The following SCMH1 variants were observed in gnomAD, a reference collection of about 807,000 sequenced individuals.
SCMH1 encodes the protein polycomb protein SCMH1.
A neutral mutation model predicts 70.8 loss-of-function variants in SCMH1; 37 were observed. That is an observed-to-expected ratio of 0.52 (90% confidence interval 0.40 to 0.69). SCMH1 has a LOEUF of 0.69. SCMH1 is among the 30% of genes least tolerant of loss of function. The pLI, the probability that SCMH1 is intolerant of heterozygous loss-of-function variation, is 0.00. For synonymous variants in SCMH1, 292 were observed against 307.4 expected (o/e 0.95, Z 0.52); for missense variants, 607 against 827.3 (o/e 0.73, Z 3.27).
chr1:41,046,289 C>G (rs1377951163), intron 12 of SCMH1, 118 bp downstream of exon 12: 2 of 754,466 alleles, frequency 2.7e-6, no homozygotes, highest in Non-Finnish European at 4.3e-6. Flanking sequence ...GACAGAAAAG[C>G]AGACCTCTAG....
chr1:41,109,317 G>A (rs1668702681), intron 8 of SCMH1, among the ~76,000 whole-genome samples: 1 of 151,944 alleles, frequency 6.6e-6, no homozygotes, highest in African/African-American at 2.4e-5. Context: ...TTTGCCATGA[G>A]CAGGAAACAT....
At chr1:41,110,050 C>T (rs1049419983) in intron 8 of SCMH1, among the ~76,000 whole-genome samples, 2 of 152,282 alleles carry the variant, frequency 1.3e-5, no homozygotes, top group South Asian at 4.1e-4. Flanking sequence ...CTTCTTGCTG[C>T]TTCCACAGAG....
intron 1 of SCMH1, among the ~76,000 whole-genome samples, chr1:41,213,004 G>C (rs1657362108): frequency 6.6e-6 from 1 of 152,120 alleles, no homozygotes; most frequent in African/African-American, 2.4e-5. Flanking sequence ...TGGATGATCT[G>C]TATGCCAGTA....
At chr1:41,049,661 G>A (rs1378949417) in intron 10 of SCMH1, among the ~76,000 whole-genome samples, 8 of 151,754 alleles carry the variant, frequency 5.3e-5, no homozygotes, top group Admixed American at 3.9e-4. Context: ...CAGCTACTCG[G>A]GAGGCTGAGG....
intron 1 of SCMH1, among the ~76,000 whole-genome samples, chr1:41,203,281 T>C (rs925333314): frequency 1.3e-5 from 2 of 152,142 alleles, no homozygotes; most frequent in Non-Finnish European, 2.9e-5. Flanking sequence ...AAAATTCACA[T>C]ATCCAAATTG....
chr1:41,072,970 G>A (rs1314418882), intron 9 of SCMH1, among the ~76,000 whole-genome samples: 8 of 152,178 alleles, frequency 5.3e-5, no homozygotes, highest in Non-Finnish European at 8.8e-5. Context: ...AGAATTAAGA[G>A]TATCAAATGC....
At chr1:41,135,672 T>C (rs1444680097) in intron 6 of SCMH1, among the ~76,000 whole-genome samples, 3 of 152,212 alleles carry the variant, frequency 2.0e-5, no homozygotes, top group Non-Finnish European at 4.4e-5. Flanking sequence ...GCCTTTTAAG[T>C]TACAATTAAA....
intron 2 of SCMH1, among the ~76,000 whole-genome samples, chr1:41,164,380 G>T (rs542832210): frequency 6.6e-5 from 10 of 151,164 alleles, no homozygotes; most frequent in Non-Finnish European, 1.5e-4. Context: ...AAAAAAATTC[G>T]TATCTTTCTC....
At chr1:41,183,528 T>C (rs1649380454) in intron 2 of SCMH1, among the ~76,000 whole-genome samples, 1 of 152,188 alleles carries the variant, frequency 6.6e-6, no homozygotes, top group Non-Finnish European at 1.5e-5. Flanking sequence ...TGTAACAGCT[T>C]TCTGGTGACA....
At chr1:41,028,467 C>T (rs1644043603) in intron 14 of SCMH1, 117 bp downstream of exon 15, 18 of 1,503,708 alleles carry the variant, frequency 1.2e-5, no homozygotes, top group Admixed American at 1.7e-5. Flanking sequence ...TGAAGCCTAC[C>T]TGTTCTCCTC....
At chr1:41,059,043 G>A (rs1371256249) in intron 10 of SCMH1, among the ~76,000 whole-genome samples, 1 of 152,346 alleles carries the variant, frequency 6.6e-6, no homozygotes, top group East Asian at 1.9e-4. Context: ...CTTCATGGAT[G>A]CCTGAGGCTT....
chr1:41,075,148 G>C lies in SCMH1; in HGVS notation c.978+71C>G. The C allele has an allele frequency of 4.1e-6, 6 of 1,477,848 alleles. No individual in the cohort carries two copies. The South Asian group carries it at 6.9e-5, about 17-fold the overall frequency. The allele number at this position is 1,477,848 out of a possible 1,614,324, so 91.5% of individuals were successfully genotyped here. A position where few individuals can be genotyped will look rare whatever the true frequency, so the allele number is the denominator to read the frequency against. On this transcript the variant is annotated intron_variant, in intron 9 of 14. Transcript: ENST00000337495. The stretch of plus-strand genomic sequence containing the variant: ...TTAAGTGCTGGGATTACAGGCGTGA[G>C]CCACGGCGCCTGGCCGAATGACCCC...
rs924695134 is a variant in SCMH1 at position 41,033,931 on chromosome 1, C to T, written c.1678+3431G>A. On this transcript the variant is annotated intron_variant, in intron 13 of 14. Transcript: ENST00000337495. ...GGGCAGCCTATCACAAAGTACTCTT[C>T]TCAGAAACAGGGCCTTGGGGAAGAT... 4 of 1,612,206 alleles carry T rather than the reference C, an allele frequency of 2.5e-6. No individual in the cohort carries two copies. The African/African-American group carries it at 4.0e-5, about 16-fold the overall frequency.
At chr1:41,049,734 G>A (rs1295196379) in intron 10 of SCMH1, among the ~76,000 whole-genome samples, 1 of 141,530 alleles carries the variant, frequency 7.1e-6, no homozygotes, top group Non-Finnish European at 1.5e-5. Flanking sequence ...GCCACTGCAC[G>A]CCAGCCTGGG....
At chr1:41,127,150 A>G (rs1056343851) in intron 6 of SCMH1, among the ~76,000 whole-genome samples, 1 of 152,146 alleles carries the variant, frequency 6.6e-6, no homozygotes, top group African/African-American at 2.4e-5. Flanking sequence ...GACCATTTGT[A>G]TATCTTCTGT....
At chr1:41,210,431 A>G (rs1013487162) in intron 1 of SCMH1, among the ~76,000 whole-genome samples, 1 of 152,248 alleles carries the variant, frequency 6.6e-6, no homozygotes, top group Non-Finnish European at 1.5e-5. Context: ...ACAAAGCTGG[A>G]GGCATCACAC....
chr1:41,122,892 T>C (rs930694856), intron 6 of SCMH1, among the ~76,000 whole-genome samples: 1 of 152,188 alleles, frequency 6.6e-6, no homozygotes, highest in Non-Finnish European at 1.5e-5. Flanking sequence ...GGTCCATCTC[T>C]TTAAACTGGC....
intron 9 of SCMH1, among the ~76,000 whole-genome samples, chr1:41,071,955 C>T (rs560563495): frequency 2.0e-5 from 3 of 152,294 alleles, no homozygotes; most frequent in South Asian, 2.1e-4. Flanking sequence ...GGAGCCACCA[C>T]GTCTGGCTAA....
intron 8 of SCMH1, among the ~76,000 whole-genome samples, chr1:41,105,261 G>A (rs769446896): frequency 6.6e-6 from 1 of 152,044 alleles, no homozygotes; most frequent in Non-Finnish European, 1.5e-5. Flanking sequence ...ACTGTGCCTG[G>A]CCTTAAATAG....
Sources: gnomAD v4.1 joint callset for allele counts (sites outside exome capture counted in the v4.1 genomes callset) on GRCh38, gnomAD v4.1.1 for gene constraint, MANE v1.5 for transcripts, NCBI Gene and HGNC (gene_info 2026-07-23, HGNC 2026-07-21) for gene names.